The following CSMD1 variants were observed in gnomAD, a reference collection of about 807,000 sequenced individuals.
CSMD1 encodes the protein CUB and Sushi multiple domains 1.
In CSMD1, 213 loss-of-function variants were observed where a neutral mutation model predicts 417.5. The observed-to-expected ratio is 0.51, with a 90% confidence interval of 0.46 to 0.57. CSMD1 has a LOEUF of 0.57. CSMD1 is among the 20% of genes least tolerant of loss of function. The pLI is 0.00. For synonymous variants in CSMD1, 2,862 were observed against 1,736.8 expected, an observed-to-expected ratio of 1.65 and a Z score of -16.11; for missense variants, 6,923 against 4,529.7, an observed-to-expected ratio of 1.53 and a Z score of -15.17.
intron 5 of CSMD1, among the ~76,000 whole-genome samples, chr8:3,887,694 G>A (rs1221585889): frequency 1.3e-5 from 2 of 152,166 alleles, no homozygotes; most frequent in Non-Finnish European, 2.9e-5. Context: ...GTTACACAGA[G>A]GTCACAGGTT....
At chr8:3,694,408 G>A (rs1800434668) in intron 7 of CSMD1, among the ~76,000 whole-genome samples, 1 of 152,136 alleles carries the variant, frequency 6.6e-6, no homozygotes, top group Non-Finnish European at 1.5e-5. Context: ...TCTGCCTGCT[G>A]CACACCAGGG....
chr8:4,894,267 CT>C (rs1804327684), intron 1 of CSMD1, among the ~76,000 whole-genome samples: 1 of 151,878 alleles, frequency 6.6e-6, no homozygotes, highest in Admixed American at 6.6e-5. Flanking sequence ...CCTATCAAGT[CT>C]TTTGTTTTGC....
chr8:4,023,451 C>G (rs1796888205), intron 4 of CSMD1, among the ~76,000 whole-genome samples: 2 of 152,118 alleles, frequency 1.3e-5, no homozygotes, highest in Non-Finnish European at 1.5e-5. Context: ...CATCTAGACT[C>G]TGGGTTGAGT....
In CSMD1 at chr8:3,399,502, G is replaced by C. The variant is rs370403521; in HGVS notation, c.2294C>G (p.Ser765Cys). 5 of 1,603,158 alleles carry C rather than the reference G, an allele frequency of 3.1e-6. No homozygotes were observed. Among genetic ancestry groups the C allele is most frequent in the Non-Finnish European group, 4.3e-6 (5 of 1,175,306 alleles). The part of the protein sequence containing the change: ...EAPCGGHLTA[S>C]SGVILPPGWP... The stretch of plus-strand genomic sequence containing the variant: ...TCCAGGAGGCAAAATGACTCCGCTG[G>C]ACGCTGTCAGATGTCCACCACATGG... The change falls in exon 16 of 70, where the codon TCC (serine) becomes TGC (cysteine). Residue 765 changes from serine to cysteine, a missense_variant. Transcript: ENST00000635120.
intron 1 of CSMD1, among the ~76,000 whole-genome samples, chr8:4,754,946 G>T (rs6558913): frequency 1.1e-4 from 17 of 152,046 alleles, no homozygotes; most frequent in African/African-American, 4.1e-4. Context: ...AAACCAGCCT[G>T]GCCAACATAG....
At chr8:4,119,318 T>C (rs1165827867) in intron 3 of CSMD1, among the ~76,000 whole-genome samples, 2 of 152,122 alleles carry the variant, frequency 1.3e-5, no homozygotes, top group African/African-American at 4.8e-5. Flanking sequence ...GGCAAATTAC[T>C]AATCAAAGTT....
chr8:4,795,818 C>T (rs542373184), intron 1 of CSMD1, among the ~76,000 whole-genome samples: 1 of 152,246 alleles, frequency 6.6e-6, no homozygotes, highest in South Asian at 2.1e-4. Context: ...AAGTACTGTA[C>T]TGAGGCAGCC....
chr8:4,583,086 C>T (rs1275691173), intron 2 of CSMD1, among the ~76,000 whole-genome samples: 1 of 152,226 alleles, frequency 6.6e-6, no homozygotes, highest in Non-Finnish European at 1.5e-5. Context: ...TCAGGACCTG[C>T]AGCCCGCCGT....
intron 5 of CSMD1, among the ~76,000 whole-genome samples, chr8:3,984,719 A>G (rs1585080074): frequency 1.9e-5 from 1 of 51,692 alleles, no homozygotes; most frequent in Non-Finnish European, 3.9e-5. Flanking sequence ...ATATATATAT[A>G]TATATATATA....
rs1239567664 is a variant in CSMD1 at position 3,018,646 on chromosome 8, G to C, written c.7860C>G (p.Ile2620Met). The C allele has an allele frequency of 6.2e-7, 1 of 1,610,414 alleles. No individual in the cohort carries two copies. Among genetic ancestry groups the C allele is most frequent in the South Asian group, 1.1e-5 (1 of 90,790 alleles). ...GGGGAAAGGAAAGGCTTCCACACGA[G>C]ATAACTAGAAGGAAAAACAATAAAA... is the stretch of plus-strand genomic sequence containing the variant. ...IGDERPSCRV[I>M]SCGSLSFPPN... is the part of the protein sequence containing the mutation. The change falls in exon 52 of 70, where the codon ATC becomes ATG. Residue 2620 changes from isoleucine to methionine, a missense_variant. By Grantham distance (10) the Ile-to-Met change is conservative. Coordinates refer to ENST00000635120, the MANE Select transcript of CSMD1 (RefSeq NM_033225.6).
chr8:3,645,429 G>A (rs1411501246), intron 7 of CSMD1, among the ~76,000 whole-genome samples: 1 of 152,198 alleles, frequency 6.6e-6, no homozygotes, highest in African/African-American at 2.4e-5. Flanking sequence ...TGGTCTCAGA[G>A]GAAGGGGAAA....
At chr8:3,741,333 C>G (rs962191420) in intron 6 of CSMD1, among the ~76,000 whole-genome samples, 36 of 151,170 alleles carry the variant, frequency 2.4e-4, no homozygotes, top group African/African-American at 8.3e-4. Context: ...TGCAGCTTCC[C>G]TTTCAAGAAG....
intron 2 of CSMD1, among the ~76,000 whole-genome samples, chr8:4,476,256 T>C (rs530334235): frequency 1.3e-5 from 2 of 152,312 alleles, no homozygotes; most frequent in African/African-American, 2.4e-5. Context: ...GATATTATAC[T>C]TTTTATTCAT....
chr8:4,674,000 A>C (rs998892158), intron 1 of CSMD1, among the ~76,000 whole-genome samples: 1 of 152,226 alleles, frequency 6.6e-6, no homozygotes, highest in Non-Finnish European at 1.5e-5. Context: ...TGTGCACTAT[A>C]CAGAGGCAAA....
At chr8:2,958,086 C>A (rs897759295) in intron 62 of CSMD1, among the ~76,000 whole-genome samples, 2 of 152,096 alleles carry the variant, frequency 1.3e-5, no homozygotes, top group South Asian at 4.1e-4. Context: ...AGAGTTCTTT[C>A]TTTTTTGTTT....
intron 25 of CSMD1, among the ~76,000 whole-genome samples, chr8:3,302,423 G>T (rs746458489): frequency 6.6e-6 from 1 of 152,108 alleles, no homozygotes; most frequent in Non-Finnish European, 1.5e-5. Flanking sequence ...CACAGCAGTG[G>T]CAATGTTCCC....
chr8:4,538,597 C>T (rs773638625), intron 2 of CSMD1, among the ~76,000 whole-genome samples: 1 of 151,724 alleles, frequency 6.6e-6, no homozygotes, highest in African/African-American at 2.4e-5. Context: ...GAGCCGAGAT[C>T]GCACCACTGT....
chr8:3,631,248 C>G (rs552247504), intron 7 of CSMD1, among the ~76,000 whole-genome samples: 1 of 152,160 alleles, frequency 6.6e-6, no homozygotes, highest in South Asian at 2.1e-4. Context: ...CAAACTGTAT[C>G]CTTCGTCGAC....
intron 7 of CSMD1, among the ~76,000 whole-genome samples, chr8:3,648,669 C>T (rs77520535): frequency 5.3e-5 from 8 of 152,164 alleles, no homozygotes; most frequent in Admixed American, 3.9e-4. Flanking sequence ...TTGAAACATA[C>T]GGCTATACCA....
Sources: allele counts gnomAD v4.1 joint callset (sites outside exome capture counted in the v4.1 genomes callset), GRCh38; gene constraint gnomAD v4.1.1; transcripts MANE v1.5; gene names NCBI Gene and HGNC (gene_info 2026-07-23, HGNC 2026-07-21).